Variants in IGSF5 observed in about 807,000 individuals in gnomAD.
IGSF5 encodes immunoglobulin superfamily member 5, also known as immunoglobulin superfamily 5 like.
Under a neutral mutation model 39.4 loss-of-function variants are expected in IGSF5, and 41 were observed. The ratio of observed to expected loss-of-function variants is 1.04; its 90% CI spans 0.81 to 1.35. The LOEUF is 1.35. Ranked by LOEUF, IGSF5 falls within the 40% of genes most tolerant of loss-of-function variation. IGSF5 has a pLI of 0.00. For missense variants in IGSF5, 487 were observed against 494.6 expected, an observed-to-expected ratio of 0.98 and a Z score of 0.15; for synonymous variants, 183 against 175.3, an observed-to-expected ratio of 1.04 and a Z score of -0.34.
At chr21:39,765,315 A>C (rs1043340160) in intron 2 of IGSF5, among the ~76,000 whole-genome samples, 2 of 152,178 alleles carry the variant, frequency 1.3e-5, no homozygotes, top group African/African-American at 4.8e-5. Flanking sequence ...ATACAGCTGT[A>C]GAGTTAGGGG....
At chr21:39,751,868 G>A (rs911676023) in intron 2 of IGSF5, among the ~76,000 whole-genome samples, 2 of 152,128 alleles carry the variant, frequency 1.3e-5, no homozygotes, top group African/African-American at 4.8e-5. Context: ...TTCTGAGAAG[G>A]CCGACCCTGA....
At chr21:39,745,555 A>C (rs777113725) in intron 1 of IGSF5, 29 bp downstream of exon 1, 20 of 716,616 alleles carry the variant, frequency 2.8e-5, no homozygotes, top group Non-Finnish European at 3.9e-5. Context: ...GCGACTGTTG[A>C]GTAGAGACTT....
At chr21:39,774,851 T>G (rs1418898844) in intron 4 of IGSF5, among the ~76,000 whole-genome samples, 1 of 152,250 alleles carries the variant, frequency 6.6e-6, no homozygotes, top group African/African-American at 2.4e-5. Context: ...GTAGTAGAAG[T>G]GACAGTCCTA....
chr21:39,779,953 G>A (rs2080161852), intron 5 of IGSF5, among the ~76,000 whole-genome samples: 1 of 152,160 alleles, frequency 6.6e-6, no homozygotes, highest in Admixed American at 6.5e-5. Flanking sequence ...AATTAGACAG[G>A]AAAGATAAAT....
intron 4 of IGSF5, among the ~76,000 whole-genome samples, chr21:39,778,039 A>G (rs28758428): frequency 0.06 from 9,137 of 152,226 alleles, 868 homozygotes; most frequent in African/African-American, 0.21. Context: ...CCAAGCACGC[A>G]GGGTTGAGTG....
chr21:39,782,770 C>T (rs1409919118), intron 5 of IGSF5, among the ~76,000 whole-genome samples: 1 of 152,174 alleles, frequency 6.6e-6, no homozygotes, highest in Non-Finnish European at 1.5e-5. Context: ...GAAAACACAG[C>T]ACCTTATAGT....
the IGSF5 span, among the ~76,000 whole-genome samples, chr21:39,724,726 G>A: frequency 6.6e-6 from 1 of 152,208 alleles, no homozygotes; most frequent in Non-Finnish European, 1.5e-5. Context: ...TACACTGGGT[G>A]ATCAGTTGGT....
the IGSF5 span, among the ~76,000 whole-genome samples, chr21:39,728,584 C>G: frequency 2.0e-5 from 3 of 152,152 alleles, no homozygotes; most frequent in Non-Finnish European, 4.4e-5. Context: ...CAGGAGATGA[C>G]GCACTCGCTC....
At chr21:39,744,939 G>A (rs904710411), upstream of IGSF5, among the ~76,000 whole-genome samples, 7 of 152,224 alleles carry the variant, frequency 4.6e-5, no homozygotes, top group Admixed American at 1.3e-4. Flanking sequence ...TTCGGGCTAC[G>A]CCCTTATTTA....
the IGSF5 span, among the ~76,000 whole-genome samples, chr21:39,721,383 A>C: frequency 6.6e-6 from 1 of 152,184 alleles, no homozygotes; most frequent in Non-Finnish European, 1.5e-5. Context: ...CCACCCAGGC[A>C]ATTCTGAAAT....
intron 5 of IGSF5, 123 bp from the exon 6 acceptor site, chr21:39,788,044 T>C: frequency 1.4e-6 from 1 of 711,982 alleles, no homozygotes; most frequent in East Asian, 2.7e-5. Flanking sequence ...TTAATAATGC[T>C]CCTTGGGTCA....
the IGSF5 span, among the ~76,000 whole-genome samples, chr21:39,726,976 G>C: frequency 2.0e-5 from 3 of 152,328 alleles, no homozygotes; most frequent in Admixed American, 2.0e-4. Flanking sequence ...AAAGTTGCCA[G>C]CTGAGGGCCA....
chr21:39,763,074 G>A (rs964955370), intron 2 of IGSF5, among the ~76,000 whole-genome samples: 4 of 152,170 alleles, frequency 2.6e-5, no homozygotes, highest in African/African-American at 7.2e-5. Flanking sequence ...TACAGGGGAA[G>A]GTTACTGCTG....
At chr21:39,770,802 C>G in intron 3 of IGSF5, 114 bp from the exon 4 acceptor site, 1 of 751,762 alleles carries the variant, frequency 1.3e-6, no homozygotes, top group Non-Finnish European at 1.9e-6. Flanking sequence ...GAAAATAGGT[C>G]TCACAAAATG....
intron 2 of IGSF5, among the ~76,000 whole-genome samples, chr21:39,746,843 C>T (rs1016734909): frequency 1.3e-5 from 2 of 152,204 alleles, no homozygotes; most frequent in African/African-American, 4.8e-5. Context: ...CAATTTCTAA[C>T]ATGCCTCTAT....
chr21:39,788,154 T>C lies in IGSF5; in HGVS notation c.935-13T>C. ...TCCCGATTTTTCCAATGTAATTTTG[T>C]TCTTTTTTGCAGGATTTCGTATTCA... On this transcript the variant is annotated splice_polypyrimidine_tract_variant and intron_variant, in intron 5 of 8. Transcript: ENST00000380588. 6.3e-7 allele frequency: 1 copy of C among 1,589,270 alleles called. No individual in the cohort carries two copies. Among genetic ancestry groups the C allele is most frequent in the Non-Finnish European group, 8.6e-7 (1 of 1,161,802 alleles).
chr21:39,778,823 C>T (rs2080154231), intron 4 of IGSF5, among the ~76,000 whole-genome samples: 2 of 152,220 alleles, frequency 1.3e-5, no homozygotes, highest in African/African-American at 4.8e-5. Flanking sequence ...TTATCTACTT[C>T]TCAGGGATAT....
rs552596504 is a variant in IGSF5, at chr21:39,764,497, G to T, written c.101-1038G>T. Among the ~76,000 whole-genome samples, 3 of 152,214 alleles carry T rather than the reference G, an allele frequency of 2.0e-5. No individual in the cohort carries two copies. In the East Asian group the frequency reaches 5.8e-4, roughly 29 times the overall value. On this transcript the variant is annotated intron_variant, in intron 2 of 8. Transcript: ENST00000380588. ...TGGGCTTACAGGGATCCACAACCAC[G>T]CCTGGCTAATTTTTGTATTTTCAGT...
At chr21:39,750,768 G>T (rs10427525) in intron 2 of IGSF5, among the ~76,000 whole-genome samples, 16,772 of 152,236 alleles carry the variant, frequency 0.11, 3,037 homozygotes, top group African/African-American at 0.38. Context: ...ATTTGTTCTT[G>T]TGGATGTCAA....
Sources: allele counts gnomAD v4.1 joint callset (sites outside exome capture counted in the v4.1 genomes callset), GRCh38; gene constraint gnomAD v4.1.1; transcripts MANE v1.5; gene names NCBI Gene and HGNC (gene_info 2026-07-23, HGNC 2026-07-21).